GABRB2: variants seen among roughly 807,000 people sequenced by gnomAD.
The protein encoded by GABRB2 is gamma-aminobutyric acid type A receptor subunit beta2.
Under a neutral mutation model 54.7 loss-of-function variants are expected in GABRB2, and 16 were observed. The observed-to-expected ratio is 0.29, with a 90% CI of 0.20 to 0.44. GABRB2 has a LOEUF of 0.44. Ranked by LOEUF, GABRB2 falls within the 20% of genes least tolerant of loss-of-function variation. The pLI is 1.00. For synonymous variants in GABRB2, 244 were observed against 233.8 expected (o/e 1.04, Z -0.40); for missense variants, 355 against 644.0 (o/e 0.55, Z 4.86).
Position 161,293,961 on chromosome 5 carries a change from C to A in GABRB2, c.*120G>T, listed in dbSNP as rs1341783033. ...TGAAATGGACCACAGGATAGGCCAG[C>A]AACTAAGGTATTTTAGCGTCACTTT... On this transcript the variant is annotated 3_prime_UTR_variant, in exon 10 of 10. Transcript: ENST00000393959. 5 of 751,148 alleles carry A rather than the reference C, an allele frequency of 6.7e-6. No individual in the cohort carries two copies. Among genetic ancestry groups the A allele is most frequent in the Non-Finnish European group, 1.1e-5 (5 of 461,382 alleles). 46.5% of individuals were successfully genotyped at this position (751,148 alleles called of 1,614,324 possible).
chr5:161,513,501 C>T (rs1172285617), intron 3 of GABRB2, among the ~76,000 whole-genome samples: 3 of 151,980 alleles, frequency 2.0e-5, no homozygotes, highest in South Asian at 4.2e-4. Flanking sequence ...CAGCTGGAGA[C>T]CATTATCCTA....
At chr5:161,429,356 A>AAAAAAAAAAAAAAAG (rs1561646902) in intron 4 of GABRB2, among the ~76,000 whole-genome samples, 1 of 147,784 alleles carries the variant, frequency 6.8e-6, no homozygotes, top group African/African-American at 2.5e-5. Context: ...AAAAAAAAAA[A>AAAAAAAAAAAAAAAG]AAGAAAAAGA....
intron 9 of GABRB2, among the ~76,000 whole-genome samples, chr5:161,317,911 C>A (rs770535438): frequency 2.6e-5 from 4 of 151,824 alleles, no homozygotes; most frequent in Admixed American, 2.6e-4. Flanking sequence ...GTTAAAATAA[C>A]AAGATTATAC....
chr5:161,406,027 C>T (rs924715391), intron 5 of GABRB2, among the ~76,000 whole-genome samples: 2 of 152,190 alleles, frequency 1.3e-5, no homozygotes, highest in African/African-American at 2.4e-5. Context: ...AGAAGAGATG[C>T]TTGTACCAAA....
At chr5:161,423,276 A>G (rs1315934956) in intron 4 of GABRB2, among the ~76,000 whole-genome samples, 1 of 152,116 alleles carries the variant, frequency 6.6e-6, no homozygotes, top group East Asian at 1.9e-4. Context: ...ATCCCTCTTC[A>G]TCTTGAGAGA....
intron 3 of GABRB2, among the ~76,000 whole-genome samples, chr5:161,480,726 GA>G (rs1758736764): frequency 6.6e-6 from 1 of 151,978 alleles, no homozygotes; most frequent in Non-Finnish European, 1.5e-5. Flanking sequence ...TGTTTACCAG[GA>G]ATTAGTGTTT....
At chr5:161,531,901 C>T (rs1274956752) in intron 3 of GABRB2, among the ~76,000 whole-genome samples, 1 of 152,080 alleles carries the variant, frequency 6.6e-6, no homozygotes, top group Non-Finnish European at 1.5e-5. Flanking sequence ...CCATTCTCAA[C>T]AACGCTGCTT....
chr5:161,477,064 A>C (rs924962119), intron 3 of GABRB2, among the ~76,000 whole-genome samples: 1 of 151,876 alleles, frequency 6.6e-6, no homozygotes, highest in African/African-American at 2.4e-5. Flanking sequence ...TATATTTTTA[A>C]AAACTCCTAC....
intron 4 of GABRB2, among the ~76,000 whole-genome samples, chr5:161,446,968 T>C (rs974311795): frequency 1.4e-5 from 2 of 148,082 alleles, no homozygotes; most frequent in Non-Finnish European, 3.0e-5. Flanking sequence ...CCATTTTCTC[T>C]TGCCAAAAAA....
chr5:161,384,610 C>G (rs546624946), intron 5 of GABRB2, among the ~76,000 whole-genome samples: 1 of 152,270 alleles, frequency 6.6e-6, no homozygotes, highest in South Asian at 2.1e-4. Context: ...GAGATGGTCT[C>G]AGCTTTTGGT....
At chr5:161,466,350 G>T (rs1173343113) in intron 3 of GABRB2, among the ~76,000 whole-genome samples, 1 of 151,976 alleles carries the variant, frequency 6.6e-6, no homozygotes, top group East Asian at 1.9e-4. Flanking sequence ...AAATATCTTT[G>T]GTAGATATTT....
chr5:161,540,521 C>A (rs986277087), intron 3 of GABRB2, among the ~76,000 whole-genome samples: 7 of 152,312 alleles, frequency 4.6e-5, no homozygotes, highest in Middle Eastern at 3.4e-3. Context: ...TGAACCTCCT[C>A]TCATGAATCA....
chr5:161,349,021 C>T (rs1754393096), intron 5 of GABRB2, among the ~76,000 whole-genome samples: 1 of 152,020 alleles, frequency 6.6e-6, no homozygotes, highest in African/African-American at 2.4e-5. Flanking sequence ...AATATCTATG[C>T]AAATTAATTC....
At chr5:161,496,708 A>G (rs996785777) in intron 3 of GABRB2, among the ~76,000 whole-genome samples, 42 of 152,236 alleles carry the variant, frequency 2.8e-4, no homozygotes, top group Middle Eastern at 3.4e-3. Flanking sequence ...TATATTCGAC[A>G]TCATAATTTT....
At chr5:161,447,104 T>C (rs1029514233) in intron 4 of GABRB2, among the ~76,000 whole-genome samples, 1 of 152,184 alleles carries the variant, frequency 6.6e-6, no homozygotes, top group Non-Finnish European at 1.5e-5. Context: ...TAGTAAATTC[T>C]TTACAAGCAT....
chr5:161,429,775 G>A (rs920293657), intron 4 of GABRB2, among the ~76,000 whole-genome samples: 3 of 152,056 alleles, frequency 2.0e-5, no homozygotes, highest in African/African-American at 7.2e-5. Context: ...AAACTCAGAC[G>A]CATAGAGGGC....
chr5:161,360,409 G>C lies in GABRB2; in HGVS notation c.542-23640C>G, dbSNP rs563172473. ...GAGGCAAAAATAAGGGGATAATATGGATATCAATAAAAATGGCATCTGCAT... is the reference window on the plus strand; with the variant it reads ...GAGGCAAAAATAAGGGGATAATATGCATATCAATAAAAATGGCATCTGCAT... On this transcript the variant is annotated intron_variant, in intron 5 of 9. Transcript: ENST00000393959. 2.6e-5 allele frequency among the ~76,000 whole-genome samples: 4 copies of C among 152,272 alleles called. No individual in the cohort carries two copies. The South Asian group carries it at 8.3e-4, about 32-fold the overall frequency.
rs375066753 is a variant in GABRB2, at chr5:161,420,849, C to A, written c.459-9792G>T. The stretch of plus-strand genomic sequence containing the variant: ...AGTGTACTTAAAATCTGAGGTTCTT[C>A]TAGCTAGGCTGTCCATCAAAAAATT... On this transcript the variant is annotated intron_variant, in intron 4 of 9. Coordinates refer to ENST00000393959, the MANE Select transcript of GABRB2 (RefSeq NM_001371727.1). Among the ~76,000 whole-genome samples, 5 of 152,178 alleles carry A rather than the reference C, an allele frequency of 3.3e-5. No individual in the cohort carries two copies. The East Asian group carries it at 5.8e-4, about 18-fold the overall frequency.
At chr5:161,310,628 G>A (rs1044680616) in intron 9 of GABRB2, among the ~76,000 whole-genome samples, 1 of 152,100 alleles carries the variant, frequency 6.6e-6, no homozygotes. Flanking sequence ...CTAGGACGAT[G>A]GCATGGTTTC....
Sources: gnomAD v4.1 joint callset for allele counts (sites outside exome capture counted in the v4.1 genomes callset) on GRCh38, gnomAD v4.1.1 for gene constraint, MANE v1.5 for transcripts, NCBI Gene and HGNC (gene_info 2026-07-23, HGNC 2026-07-21) for gene names.